The following ABCB9 variants were observed in gnomAD, a reference collection of about 807,000 sequenced individuals.
The protein encoded by ABCB9 is ABC-type oligopeptide transporter ABCB9.
ABCB9 carries 36 observed loss-of-function variants against 62.0 expected under a neutral mutation model. The ratio of observed to expected loss-of-function variants is 0.58; its 90% CI spans 0.45 to 0.77. ABCB9 has a LOEUF of 0.77. Ranked by LOEUF, ABCB9 falls within the 30% of genes least tolerant of loss-of-function variation. The probability of loss-of-function intolerance (pLI) is 0.00; values close to 1 mark genes in which losing one functional copy is unlikely to be tolerated. For missense variants in ABCB9, 943 were observed against 1,054.7 expected (o/e 0.89, Z 1.47); for synonymous variants, 435 against 461.4 (o/e 0.94, Z 0.73).
rs1272682388 is a variant in ABCB9 at position 122,929,842 on chromosome 12, C to A, written c.*69G>T. The A allele has an allele frequency of 1.4e-6, 2 of 1,458,186 alleles. No individual in the cohort carries two copies. Among genetic ancestry groups the A allele is most frequent in the Admixed American group, 5.3e-5 (2 of 37,754 alleles). 90.3% of individuals were successfully genotyped at this position (1,458,186 alleles called of 1,614,324 possible). On this transcript the variant is annotated 3_prime_UTR_variant, in exon 12 of 12. Coordinates refer to ENST00000280560, the MANE Select transcript of ABCB9 (RefSeq NM_019625.4). This position sits in a 1 kb window ranked among gnomAD's most constrained non-coding sequence, Gnocchi z 6.0. ...CCTGGGCTCGGAGGGCAGCTGGGGG[C>A]CTCCGTGGGCACATCTGCCAGGCAG...
intron 2 of ABCB9, 67 bp from the exon 3 acceptor site, chr12:122,950,632 C>A: frequency 1.5e-6 from 2 of 1,298,550 alleles, no homozygotes; most frequent in Non-Finnish European, 1.1e-6. Flanking sequence ...CCTCCTGAGG[C>A]TCCAGAAGTC....
In ABCB9 at chr12:122,940,442, T is replaced by C. The variant is rs1566166679; in HGVS notation, c.1570-158A>G. Among the ~76,000 whole-genome samples, 1 of 152,018 alleles carries C rather than the reference T, an allele frequency of 6.6e-6. No individual in the cohort carries two copies. Among genetic ancestry groups the C allele is most frequent in the Admixed American group, 6.5e-5 (1 of 15,274 alleles). On this transcript the variant is annotated intron_variant, in intron 8 of 11. Coordinates refer to ENST00000280560, the MANE Select transcript of ABCB9 (RefSeq NM_019625.4). This position sits in a 1 kb window ranked among gnomAD's most constrained non-coding sequence, Gnocchi z 4.8. Reference sequence around the variant, plus strand: ...CCCCTAAACGTTCTTTCTAAGACACTAGGACTTGGAAGCACCTTGAGATTT... The same window carrying C: ...CCCCTAAACGTTCTTTCTAAGACACCAGGACTTGGAAGCACCTTGAGATTT...
rs993187105 is a variant in ABCB9 at position 122,930,008 on chromosome 12, G to A, written c.2204C>T (p.Ala735Val). The change falls in exon 12 of 12, where the codon GCC becomes GTC. Residue 735 changes from alanine (A) to valine (V), a missense_variant. Transcript: ENST00000280560. The surrounding 1 kb of genome is among the most constrained non-coding windows in gnomAD (Gnocchi z 4.9). ...CAGCATCTGCCGCTGCACCAGCTTG[G>A]CGTAGAGGCCGCCCTGGGCCAGCAG... ...QQLLAQGGLY[A>V]KLVQRQMLGL... 11 of 1,575,644 alleles carry A rather than the reference G, an allele frequency of 7.0e-6. No homozygotes were observed. The highest frequency in any genetic ancestry group is 9.5e-6 in the Non-Finnish European group (11 of 1,162,730).
chr12:122,940,887 G>T lies in ABCB9; in HGVS notation c.1489C>A (p.Pro497Thr). The change falls in exon 8 of 12, where the codon CCC (proline) becomes ACC (threonine). Residue 497 changes from proline to threonine, a missense_variant. Transcript: ENST00000280560. This position sits in a 1 kb window ranked among gnomAD's most constrained non-coding sequence, Gnocchi z 4.8. ...TCCACCCGGCCCTCCAGGTGGTCGG[G>T]GGCCAAGCTGCCATCGTGCACCATG... is the stretch of plus-strand genomic sequence containing the variant. ...PTMVHDGSLAPDHLEGRVDFE... is the reference protein window; with the variant it reads ...PTMVHDGSLATDHLEGRVDFE... 1 of 1,612,302 alleles carries T rather than the reference G, an allele frequency of 6.2e-7. No homozygotes were observed. Among genetic ancestry groups the T allele is most frequent in the East Asian group, 2.2e-5 (1 of 44,828 alleles).
intron 11 of ABCB9, among the ~76,000 whole-genome samples, chr12:122,922,494 C>T (rs1219145525): frequency 1.3e-5 from 2 of 151,588 alleles, no homozygotes; most frequent in African/African-American, 2.4e-5. Context: ...ATTCTCCTGC[C>T]TCAGCTTCCC....
upstream of ABCB9, among the ~76,000 whole-genome samples, chr12:122,971,180 C>T (rs1321675865): frequency 1.3e-5 from 2 of 151,840 alleles, no homozygotes; most frequent in Non-Finnish European, 2.9e-5. Flanking sequence ...GTCAGGAGTT[C>T]GAGACCAGCC....
upstream of ABCB9, among the ~76,000 whole-genome samples, chr12:122,968,339 T>C (rs980269247): frequency 6.6e-6 from 1 of 152,060 alleles, no homozygotes; most frequent in Admixed American, 6.5e-5. Context: ...ATCAGAGAAA[T>C]GGGGTAATAA....
intron 11 of ABCB9, among the ~76,000 whole-genome samples, chr12:122,922,812 A>C (rs1245127907): frequency 6.6e-6 from 1 of 152,092 alleles, no homozygotes; most frequent in East Asian, 1.9e-4. Flanking sequence ...TATTGTTTAG[A>C]GAGAAGGTCT....
Position 122,929,348 on chromosome 12 carries a change from G to A in ABCB9, c.*563C>T, listed in dbSNP as rs1346956257. ...GCGATGGCAGACAGATGCCCTCCAC[G>A]CTCCCTACCCGCCCTGGCCAGACTC... On this transcript the variant is annotated 3_prime_UTR_variant, in exon 12 of 12. Transcript: ENST00000280560. The surrounding 1 kb of genome is among the most constrained non-coding windows in gnomAD (Gnocchi z 6.0). The A allele has an allele frequency of 6.1e-6, 6 of 985,958 alleles. No homozygotes were observed. Among genetic ancestry groups the A allele is most frequent in the Admixed American group, 1.2e-4 (2 of 16,274 alleles). The allele number at this position is 985,958 out of a possible 1,614,324, so 61.1% of individuals were successfully genotyped here. A position where few individuals can be genotyped will look rare whatever the true frequency, so the allele number is the denominator to read the frequency against.
chr12:122,961,179 A>C (rs1377359843), intron 1 of ABCB9, among the ~76,000 whole-genome samples: 2 of 151,844 alleles, frequency 1.3e-5, no homozygotes. Flanking sequence ...GACAGAGATC[A>C]ATTTTATTTT....
chr12:122,950,050 G>T (rs955487966), intron 3 of ABCB9, 132 bp from the exon 4 acceptor site: 9 of 1,271,810 alleles, frequency 7.1e-6, no homozygotes, highest in Non-Finnish European at 1.0e-5. Flanking sequence ...ATCCCTGCGG[G>T]GTCCCCCTCA....
chr12:122,922,528 T>C (rs547814299), intron 11 of ABCB9, among the ~76,000 whole-genome samples: 3 of 152,036 alleles, frequency 2.0e-5, no homozygotes, highest in South Asian at 2.1e-4. Flanking sequence ...TACAGGCATG[T>C]GCCACCACGC....
At position 122,948,807 on chromosome 12, in the gene ABCB9, G is replaced by C. The variant is rs775357301; in HGVS notation, c.870C>G (p.Thr290=). 5 of 1,582,952 alleles carry C rather than the reference G, an allele frequency of 3.2e-6. No homozygotes were observed. The Admixed American group carries it at 8.8e-5, about 28-fold the overall frequency. The change falls in exon 5 of 12, where the codon ACC becomes ACG. Residue 290 remains threonine (T), a synonymous_variant. Transcript: ENST00000280560. ...GGTCGCTGACCATGGTGGTGTCCGAGGTCAGGCGGGAGATGAGGTCCCCTG... is the reference window on the plus strand; with the variant it reads ...GGTCGCTGACCATGGTGGTGTCCGACGTCAGGCGGGAGATGAGGTCCCCTG... ...NRTGDLISRL[T]SDTTMVSDLV... is the part of the protein sequence containing the mutation.
chr12:122,945,213 C>T (rs2135830474), intron 6 of ABCB9, among the ~76,000 whole-genome samples: 1 of 152,294 alleles, frequency 6.6e-6, no homozygotes, highest in East Asian at 1.9e-4. Flanking sequence ...GGTGGCAGCA[C>T]CAGGAAGTCC....
At chr12:122,960,931 T>C (rs1210572106) in intron 1 of ABCB9, among the ~76,000 whole-genome samples, 1 of 151,980 alleles carries the variant, frequency 6.6e-6, no homozygotes, top group Non-Finnish European at 1.5e-5. Context: ...TGTGGTAGCA[T>C]GCTCCTGTAG....
intron 2 of ABCB9, among the ~76,000 whole-genome samples, chr12:122,954,370 A>G (rs111835289): frequency 0.081 from 12,273 of 150,744 alleles, 734 homozygotes; most frequent in African/African-American, 0.17. Flanking sequence ...CACCACACCT[A>G]GCTAATTTTG....
chr12:122,930,163 C>CT lies in ABCB9; in HGVS notation c.2048dup (p.Ala684GlyfsTer120), dbSNP rs1566151968. ...GCTTCTGCAGGTTGCCATGGATGGC[C>CT]TGCTGGATCTGCGGGGACAGTGGGG... On this transcript the variant is annotated frameshift_variant, in exon 12 of 12. Transcript: ENST00000280560. LOFTEE classifies it low-confidence loss of function (END_TRUNC). The surrounding 1 kb of genome is among the most constrained non-coding windows in gnomAD (Gnocchi z 4.9). 6.5e-7 allele frequency: 1 copy of CT among 1,546,422 alleles called. No individual in the cohort carries two copies. Among genetic ancestry groups the CT allele is most frequent in the Non-Finnish European group, 8.7e-7 (1 of 1,143,536 alleles).
At chr12:122,925,726 C>A (rs1282872629), downstream of ABCB9, among the ~76,000 whole-genome samples, 2 of 152,072 alleles carry the variant, frequency 1.3e-5, no homozygotes, top group Non-Finnish European at 2.9e-5. Flanking sequence ...CCAACCTGGG[C>A]GACAGAGCGA....
At chr12:122,931,323 CCTT>C (rs2035148401) in intron 11 of ABCB9, 1 of 139,058 alleles carries the variant, frequency 7.2e-6, no homozygotes, top group Non-Finnish European at 1.5e-5. Flanking sequence ...CTGCGCCCAG[CCTT>C]TTTTTTTTTT....
Sources: allele counts gnomAD v4.1 joint callset (sites outside exome capture counted in the v4.1 genomes callset), GRCh38; gene constraint gnomAD v4.1.1; non-coding constraint Gnocchi (gnomAD v3.1); transcripts MANE v1.5; gene names NCBI Gene and HGNC (gene_info 2026-07-23, HGNC 2026-07-21).